The following ROBO2 variants were observed in gnomAD, a reference collection of about 807,000 sequenced individuals.
ROBO2 encodes roundabout homolog 2.
A neutral mutation model predicts 160.8 loss-of-function variants in ROBO2; 53 were observed. The observed-to-expected ratio is 0.33, with a 90% CI of 0.26 to 0.41. The LOEUF is 0.41. Ranked by LOEUF, ROBO2 falls within the 10% of genes least tolerant of loss-of-function variation. The probability of loss-of-function intolerance (pLI) is 1.00; values close to 1 mark genes in which losing one functional copy is unlikely to be tolerated. For missense variants in ROBO2, 1,577 were observed against 1,722.4 expected, an observed-to-expected ratio of 0.92 and a Z score of 1.49; for synonymous variants, 664 against 611.7, an observed-to-expected ratio of 1.09 and a Z score of -1.26.
chr3:76,755,406 T>C (rs1380536119), intron 2 of ROBO2, among the ~76,000 whole-genome samples: 1 of 151,560 alleles, frequency 6.6e-6, no homozygotes, highest in Non-Finnish European at 1.5e-5. Context: ...ACTAGGGGAG[T>C]CATGTCATAA....
intron 2 of ROBO2, among the ~76,000 whole-genome samples, chr3:77,339,931 A>T (rs2066889490): frequency 6.6e-6 from 1 of 152,096 alleles, no homozygotes; most frequent in Non-Finnish European, 1.5e-5. Context: ...GATGCACATC[A>T]TGAATAGCAG....
At chr3:76,789,947 G>C (rs72898119) in intron 2 of ROBO2, among the ~76,000 whole-genome samples, 3,634 of 151,674 alleles carry the variant, frequency 0.024, 135 homozygotes, top group African/African-American at 0.082. Context: ...AGAATACGAT[G>C]TTAATTTGGC....
intron 2 of ROBO2, among the ~76,000 whole-genome samples, chr3:77,215,814 T>G (rs957439742): frequency 1.3e-5 from 2 of 152,246 alleles, no homozygotes; most frequent in Non-Finnish European, 2.9e-5. Context: ...GACCCTCAGC[T>G]GCAGGTCTGT....
intron 2 of ROBO2, among the ~76,000 whole-genome samples, chr3:77,447,238 T>G (rs979912539): frequency 1.3e-5 from 2 of 152,136 alleles, no homozygotes; most frequent in Admixed American, 1.3e-4. Flanking sequence ...CATAAATATC[T>G]GTTCTGTATA....
intron 2 of ROBO2, among the ~76,000 whole-genome samples, chr3:76,661,853 T>A (rs1688803285): frequency 6.6e-6 from 1 of 152,146 alleles, no homozygotes. Context: ...AGAATGTAAA[T>A]TTTCCTCACA....
chr3:76,370,794 C>A (rs34479033), intron 2 of ROBO2, among the ~76,000 whole-genome samples: 5,276 of 152,042 alleles, frequency 0.035, 128 homozygotes, highest in Middle Eastern at 0.054. Context: ...AAGGTCCATA[C>A]TAATTACATG....
chr3:77,235,279 T>C (rs1459826049), intron 2 of ROBO2, among the ~76,000 whole-genome samples: 1 of 152,136 alleles, frequency 6.6e-6, no homozygotes, highest in Non-Finnish European at 1.5e-5. Context: ...ATCTATAAAA[T>C]GAAGAATTGC....
At chr3:76,987,826 G>A (rs1203376164) in intron 2 of ROBO2, among the ~76,000 whole-genome samples, 1 of 151,828 alleles carries the variant, frequency 6.6e-6, no homozygotes, top group Non-Finnish European at 1.5e-5. Flanking sequence ...ACTTCATTTT[G>A]TTTACGAGAA....
chr3:77,641,402 G>A (rs1010034042), intron 24 of ROBO2, among the ~76,000 whole-genome samples: 3 of 152,184 alleles, frequency 2.0e-5, no homozygotes, highest in African/African-American at 7.2e-5. Flanking sequence ...AAAGGTTCTT[G>A]AAGTTTTTGA....
At chr3:76,820,947 T>C (rs2066069471) in intron 2 of ROBO2, among the ~76,000 whole-genome samples, 1 of 151,876 alleles carries the variant, frequency 6.6e-6, no homozygotes, top group African/African-American at 2.4e-5. Flanking sequence ...TGAAAATATA[T>C]AAAGAGTAAA....
intron 11 of ROBO2, 113 bp from the exon 13 acceptor site, chr3:77,564,841 T>G: frequency 1.2e-6 from 1 of 839,228 alleles, no homozygotes; most frequent in South Asian, 1.4e-5. Context: ...AAGTGTTGTG[T>G]GTGTGTGTGT....
At chr3:76,938,971 C>CAAAAAAAAAAAAAAAAAAAAAAAAAAA (rs71629626) in intron 2 of ROBO2, among the ~76,000 whole-genome samples, 7 of 114,606 alleles carry the variant, frequency 6.1e-5, no homozygotes, top group African/African-American at 2.2e-4. Flanking sequence ...AACTCAGTCT[C>CAAAAAAAAAAAAAAAAAAAAAAAAAAA]AAAAAAAAAA....
chr3:77,058,303 T>C (rs1416953831), intron 1 of ROBO2, among the ~76,000 whole-genome samples: 2 of 152,174 alleles, frequency 1.3e-5, no homozygotes, highest in African/African-American at 4.8e-5. Context: ...TTTAGTTACC[T>C]GGAAAGTTCC....
chr3:76,073,394 G>A lies in ROBO2; in HGVS notation c.109+135792G>A, dbSNP rs1167170830. Among the ~76,000 whole-genome samples the A allele has an allele frequency of 2.0e-4, 28 of 140,748 alleles. No homozygotes were observed. The South Asian group carries it at 6.5e-3, about 33-fold the overall frequency. The allele number at this position is 140,748 out of a possible 152,430, so 92.3% of individuals were successfully genotyped here. ...CTGCAAGCTCCCCTCCTGGGTTCCC[G>A]CCATTCTCCTGCCTCAGCCTCCGGA... is the stretch of plus-strand genomic sequence containing the variant. On this transcript the variant is annotated intron_variant, in intron 2 of 26. Coordinates refer to the ROBO2 transcript ENST00000487694.
At chr3:76,780,055 C>T (rs886373432) in intron 2 of ROBO2, among the ~76,000 whole-genome samples, 1 of 150,788 alleles carries the variant, frequency 6.6e-6, no homozygotes, top group African/African-American at 2.4e-5. Flanking sequence ...TTCTCATCAA[C>T]ACTAATTATC....
At chr3:77,022,693 T>C (rs930342825) in intron 2 of ROBO2, among the ~76,000 whole-genome samples, 2 of 152,182 alleles carry the variant, frequency 1.3e-5, no homozygotes, top group Non-Finnish European at 2.9e-5. Context: ...CATAGGAGTG[T>C]TAGCGTTGAC....
At chr3:76,852,781 G>T (rs2069546691) in intron 2 of ROBO2, among the ~76,000 whole-genome samples, 1 of 152,100 alleles carries the variant, frequency 6.6e-6, no homozygotes, top group African/African-American at 2.4e-5. Context: ...ATTGGTAGAT[G>T]CATCTTTCAT....
chr3:77,227,625 A>G (rs1374844637), intron 2 of ROBO2, among the ~76,000 whole-genome samples: 1 of 152,266 alleles, frequency 6.6e-6, no homozygotes, highest in African/African-American at 2.4e-5. Context: ...CTTTTAAAAC[A>G]GCACTCAATG....
At chr3:76,294,056 C>T (rs35327245) in intron 2 of ROBO2, among the ~76,000 whole-genome samples, 19,699 of 152,160 alleles carry the variant, frequency 0.13, 1,636 homozygotes, top group African/African-American at 0.23. Flanking sequence ...ACTGGTGTGT[C>T]AGCACTACCC....
Sources: allele counts gnomAD v4.1 joint callset (sites outside exome capture counted in the v4.1 genomes callset), GRCh38; gene constraint gnomAD v4.1.1; transcripts MANE v1.5; gene names NCBI Gene and HGNC (gene_info 2026-07-23, HGNC 2026-07-21).